MICALL1: variants seen among roughly 807,000 people sequenced by gnomAD.
MICALL1 encodes the protein MICAL-like protein 1.
MICALL1 carries 61 observed loss-of-function variants against 83.7 expected under a neutral mutation model. The observed-to-expected ratio is 0.73, with a 90% CI of 0.59 to 0.90. MICALL1 has a LOEUF of 0.90. Ranked by LOEUF, MICALL1 falls within the 40% of genes least tolerant of loss-of-function variation. MICALL1 has a pLI of 0.00. For missense variants in MICALL1, 1,066 were observed against 1,152.0 expected (o/e 0.93, Z 1.08); for synonymous variants, 481 against 473.6 (o/e 1.02, Z -0.20).
intron 15 of MICALL1, among the ~76,000 whole-genome samples, chr22:37,938,599 G>A (rs1426725630): frequency 2.7e-5 from 4 of 149,856 alleles, no homozygotes; most frequent in Non-Finnish European, 4.4e-5. Flanking sequence ...GACTACAGGC[G>A]CATGCCATCA....
chr22:37,933,761 T>C (rs1163508794), intron 13 of MICALL1, among the ~76,000 whole-genome samples: 1 of 152,142 alleles, frequency 6.6e-6, no homozygotes, highest in Non-Finnish European at 1.5e-5. Context: ...TTGACCACTT[T>C]CTTATGGCTC....
At chr22:37,918,647 C>G (rs1028077820) in intron 4 of MICALL1, among the ~76,000 whole-genome samples, 1 of 152,208 alleles carries the variant, frequency 6.6e-6, no homozygotes, top group African/African-American at 2.4e-5. Flanking sequence ...CCTGGGAGGA[C>G]AGGAACCTGT....
In MICALL1 at chr22:37,917,765, C is replaced by T; in HGVS notation, c.396C>T (p.Pro132=). The change falls in exon 4 of 16, where the codon CCC becomes CCT. Residue 132 remains proline, a synonymous_variant. Transcript: ENST00000215957. The part of the protein sequence containing the change: ...LAPCSPPSVA[P]TPVEPEDVAQ... ...CCTGTTCCCCGCCGTCTGTAGCACC[C>T]ACTCCAGTGGAACCAGAAGATGTGG... 6.2e-7 allele frequency: 1 copy of T among 1,613,922 alleles called. No homozygotes were observed. Among genetic ancestry groups the T allele is most frequent in the South Asian group, 1.1e-5 (1 of 91,068 alleles).
In MICALL1 at chr22:37,918,983, G is replaced by A. The variant is rs1001912780; in HGVS notation, c.427-53G>A. 4.0e-6 allele frequency: 6 copies of A among 1,495,746 alleles called. No individual in the cohort carries two copies. In the African/African-American group the frequency reaches 8.4e-5, roughly 21 times the overall value. The allele number at this position is 1,495,746 out of a possible 1,614,324, so 92.7% of individuals were successfully genotyped here. On this transcript the variant is annotated intron_variant, in intron 4 of 15. Coordinates refer to ENST00000215957, the MANE Select transcript of MICALL1 (RefSeq NM_033386.4). ...AGGGAGAGGGCAGTGATGTGAACAG[G>A]ATGGCTGGTGACCATGTCCTGCTCC...
chr22:37,912,629 A>T, intron 3 of MICALL1, 137 bp downstream of exon 3: 1 of 750,542 alleles, frequency 1.3e-6, no homozygotes. Flanking sequence ...TCATTAATTC[A>T]CTCATTGAAA....
rs1258879051 is a variant in MICALL1 at position 37,927,757 on chromosome 22, T to A, written c.1812T>A (p.Pro604=). The A allele has an allele frequency of 6.2e-7, 1 of 1,613,462 alleles. No homozygotes were observed. The highest frequency in any genetic ancestry group is 8.5e-7 in the Non-Finnish European group (1 of 1,179,892). ...CCTGCAGTGGCGCCACCCCAACGCC[T>A]CTCTTGTTGGTTGGAGACAGGAGCC... ...AKPCSGATPT[P]LLLVGDRSPV... Residue 604 remains proline, a synonymous_variant, in exon 9 of 16, where the codon CCT becomes CCA. Transcript: ENST00000215957.
chr22:37,916,832 G>A (rs1315148170), intron 3 of MICALL1, among the ~76,000 whole-genome samples: 2 of 152,122 alleles, frequency 1.3e-5, no homozygotes, highest in African/African-American at 2.4e-5. Flanking sequence ...CAGTCAGCTG[G>A]AGCCACTCCT....
At chr22:37,938,602 T>C (rs756339948) in intron 15 of MICALL1, among the ~76,000 whole-genome samples, 4 of 149,844 alleles carry the variant, frequency 2.7e-5, no homozygotes, top group African/African-American at 9.8e-5. Context: ...TACAGGCGCA[T>C]GCCATCACAC....
intron 6 of MICALL1, among the ~76,000 whole-genome samples, chr22:37,922,802 T>TG (rs1569141786): frequency 1.9e-4 from 26 of 138,748 alleles, no homozygotes; most frequent in African/African-American, 6.4e-4. Flanking sequence ...TTTTGTTTTT[T>TG]TTTTTTTTTT....
Position 37,932,594 on chromosome 22 carries a change from A to G in MICALL1, c.2058A>G (p.Gly686=), listed in dbSNP as rs1355139403. Residue 686 remains glycine (G), a synonymous_variant, in exon 11 of 16, where the codon GGA becomes GGG. Coordinates refer to ENST00000215957, the MANE Select transcript of MICALL1 (RefSeq NM_033386.4). The surrounding 1 kb of genome is among the most constrained non-coding windows in gnomAD (Gnocchi z 4.4). ...DQYIPEEDIH[G]EMDTIERRLD... is the part of the protein sequence containing the mutation. ...ACATCCCTGAGGAGGACATCCATGG[A>G]GAGATGGATACCATTGAGCGCCGGC... The G allele has an allele frequency of 6.2e-7, 1 of 1,614,128 alleles. No homozygotes were observed. Among genetic ancestry groups the G allele is most frequent in the African/African-American group, 1.3e-5 (1 of 75,058 alleles).
intron 4 of MICALL1, among the ~76,000 whole-genome samples, chr22:37,918,709 G>A (rs546840107): frequency 1.2e-4 from 19 of 152,362 alleles, no homozygotes; most frequent in Non-Finnish European, 2.4e-4. Context: ...GCCGCCAAGG[G>A]GAAGGGGCTG....
At chr22:37,912,822 C>T (rs957687281) in intron 3 of MICALL1, among the ~76,000 whole-genome samples, 7 of 150,766 alleles carry the variant, frequency 4.6e-5, no homozygotes, top group Non-Finnish European at 8.9e-5. Flanking sequence ...GCACCACGCC[C>T]GGCTAATTTT....
At position 37,930,146 on chromosome 22, in the gene MICALL1, T is replaced by C. The variant is rs1929710689; in HGVS notation, c.1882-1653T>C. On this transcript the variant is annotated intron_variant, in intron 9 of 15. Transcript: ENST00000215957. This position sits in a 1 kb window ranked among gnomAD's most constrained non-coding sequence, Gnocchi z 4.8. ...GGCTGCGTGAATATTGGTCTGAAGT[T>C]TTGGGGCTGAGAAAAGGCTGAAAAC... Among the ~76,000 whole-genome samples the C allele has an allele frequency of 6.6e-6, 1 of 152,110 alleles. No homozygotes were observed. The highest frequency in any genetic ancestry group is 2.4e-5 in the African/African-American group (1 of 41,420).
intron 3 of MICALL1, among the ~76,000 whole-genome samples, chr22:37,916,153 GCCTGGTGGGCAGGGGCAGC>G (rs1054320364): frequency 3.9e-5 from 6 of 152,186 alleles, no homozygotes; most frequent in Non-Finnish European, 8.8e-5. Context: ...TCTCTGGGCA[GCCTGGTGGGCAGGGGCAGC>G]CCTGGTGGGC....
chr22:37,919,790 AC>A (rs1928912322), intron 5 of MICALL1, among the ~76,000 whole-genome samples: 1 of 151,950 alleles, frequency 6.6e-6, no homozygotes, highest in South Asian at 2.1e-4. Flanking sequence ...GGAGTTTGAG[AC>A]CAGCCTGATC....
At chr22:37,910,431 A>T (rs1601802667) in intron 1 of MICALL1, among the ~76,000 whole-genome samples, 1 of 152,200 alleles carries the variant, frequency 6.6e-6, no homozygotes, top group East Asian at 1.9e-4. Flanking sequence ...GCTGGGTACC[A>T]TGGTGTTTTC....
Position 37,927,755 on chromosome 22 carries a change from CCT to C in MICALL1, c.1815_1816del (p.Leu606ValfsTer30), listed in dbSNP as rs1182894122. The C allele has an allele frequency of 6.2e-7, 1 of 1,613,830 alleles. No homozygotes were observed. Among genetic ancestry groups the C allele is most frequent in the Non-Finnish European group, 8.5e-7 (1 of 1,180,010 alleles). ...AKPCSGATPT[P>X]LLLVGDRSPV... ...GCCCTGCAGTGGCGCCACCCCAACG[CCT>C]CTCTTGTTGGTTGGAGACAGGAGCC... is the stretch of plus-strand genomic sequence containing the variant. On this transcript the variant is annotated frameshift_variant, in exon 9 of 16. Transcript: ENST00000215957. LOFTEE classifies it high-confidence loss of function.
chr22:37,933,229 C>T (rs925971835), intron 13 of MICALL1, 117 bp downstream of exon 13: 3 of 1,060,978 alleles, frequency 2.8e-6, no homozygotes, highest in African/African-American at 3.1e-5. Context: ...GGGGACAGGG[C>T]CAGAGGAGGA....
At chr22:37,908,081 TC>T (rs1928081038) in intron 1 of MICALL1, among the ~76,000 whole-genome samples, 2 of 152,022 alleles carry the variant, frequency 1.3e-5, no homozygotes, top group African/African-American at 4.8e-5. Context: ...CCTGGTGGCA[TC>T]AAAGTAAATA....
Sources: gnomAD v4.1 joint callset for allele counts (sites outside exome capture counted in the v4.1 genomes callset) on GRCh38, gnomAD v4.1.1 for gene constraint, Gnocchi (gnomAD v3.1) non-coding constraint, MANE v1.5 for transcripts, NCBI Gene and HGNC (gene_info 2026-07-23, HGNC 2026-07-21) for gene names.